DLG2: variants seen among roughly 807,000 people sequenced by gnomAD.
The protein encoded by DLG2 is disks large homolog 2.
Under a neutral mutation model 132.5 loss-of-function variants are expected in DLG2, and 45 were observed. That is an observed-to-expected ratio of 0.34 (90% confidence interval 0.27 to 0.44). The LOEUF (loss-of-function observed/expected upper bound fraction) is 0.44, where lower values mean the gene tolerates loss of function less well. Among genes scored for constraint, DLG2 ranks in the 20% least tolerant of loss-of-function variants. The pLI is 1.00. For synonymous variants in DLG2, 424 were observed against 419.6 expected (o/e 1.01, Z -0.13); for missense variants, 1,045 against 1,196.9 (o/e 0.87, Z 1.87).
chr11:84,400,574 T>C (rs2154446510), intron 7 of DLG2, among the ~76,000 whole-genome samples: 1 of 152,318 alleles, frequency 6.6e-6, no homozygotes, highest in East Asian at 1.9e-4. Context: ...CCTTACCAAA[T>C]TCTTTATTGA....
chr11:83,990,869 A>G (rs1289702642), intron 11 of DLG2, among the ~76,000 whole-genome samples: 1 of 150,232 alleles, frequency 6.7e-6, no homozygotes, highest in Non-Finnish European at 1.5e-5. Context: ...TTCTGTCTAC[A>G]TGGTTTTATT....
intron 3 of DLG2, among the ~76,000 whole-genome samples, chr11:85,470,036 C>T (rs1314905055): frequency 6.6e-6 from 1 of 152,074 alleles, no homozygotes; most frequent in East Asian, 1.9e-4. Context: ...TTACTATTAT[C>T]CCCATCACTC....
chr11:84,493,375 G>T (rs2099170253), intron 7 of DLG2, among the ~76,000 whole-genome samples: 1 of 151,972 alleles, frequency 6.6e-6, no homozygotes, highest in Admixed American at 6.6e-5. Context: ...AGTAGTGGTG[G>T]GTTTTGTAAT....
intron 25 of DLG2, 51 bp downstream of exon 25, chr11:83,469,150 G>A: frequency 7.5e-7 from 1 of 1,336,706 alleles, no homozygotes. Flanking sequence ...AATGCAGTTT[G>A]CAACCTAGAA....
intron 18 of DLG2, among the ~76,000 whole-genome samples, chr11:83,654,154 C>T (rs1235250541): frequency 1.3e-5 from 2 of 152,186 alleles, no homozygotes. Flanking sequence ...GCTATTGCCA[C>T]TTCTCACCCA....
chr11:85,403,622 GTGTT>G (rs1565442028), intron 3 of DLG2, among the ~76,000 whole-genome samples: 1 of 152,038 alleles, frequency 6.6e-6, no homozygotes, highest in Non-Finnish European at 1.5e-5. Flanking sequence ...CTAGAGTCTA[GTGTT>G]TTGTGGGCAG....
intron 6 of DLG2, among the ~76,000 whole-genome samples, chr11:84,889,362 A>C (rs951038947): frequency 1.3e-5 from 2 of 152,086 alleles, no homozygotes; most frequent in Admixed American, 6.6e-5. Flanking sequence ...TGAGGGGGAG[A>C]TTTAAACTGG....
At chr11:84,439,515 A>G (rs1327245979) in intron 7 of DLG2, among the ~76,000 whole-genome samples, 1 of 152,092 alleles carries the variant, frequency 6.6e-6, no homozygotes, top group Admixed American at 6.6e-5. Context: ...TGCTCCTACA[A>G]GCACTCCTTT....
Position 84,099,071 on chromosome 11 carries a change from T to C in DLG2, c.625-24A>G, listed in dbSNP as rs1470935256. On this transcript the variant is annotated intron_variant, in intron 9 of 27. Transcript: ENST00000376104. ...CCCTATAGAAACAAAAAGCAGATAT[T>C]AAATGATGTGTCTGTCACCTAAAAC... 1.9e-6 allele frequency: 3 copies of C among 1,606,652 alleles called. No individual in the cohort carries two copies. In the East Asian group the frequency reaches 6.7e-5, roughly 36 times the overall value.
intron 11 of DLG2, among the ~76,000 whole-genome samples, chr11:84,052,252 A>T (rs2154121695): frequency 6.6e-6 from 1 of 151,806 alleles, no homozygotes; most frequent in South Asian, 2.1e-4. Flanking sequence ...TGTACATAAC[A>T]TATATGTGCA....
intron 8 of DLG2, among the ~76,000 whole-genome samples, chr11:84,181,055 T>C (rs2096112178): frequency 6.6e-6 from 1 of 151,766 alleles, no homozygotes; most frequent in Admixed American, 6.6e-5. Context: ...CAGATAACAG[T>C]TTGTTCAAAA....
intron 18 of DLG2, among the ~76,000 whole-genome samples, chr11:83,745,507 C>T (rs969536763): frequency 2.6e-5 from 4 of 152,064 alleles, no homozygotes; most frequent in African/African-American, 9.7e-5. Context: ...ATACTCAAGT[C>T]TTTCCTTTCT....
intron 17 of DLG2, chr11:83,790,745 C>A: frequency 3.9e-6 from 3 of 767,080 alleles, no homozygotes; most frequent in Non-Finnish European, 7.2e-6. Context: ...CCACAAAGAT[C>A]TCTGGGGCAA....
intron 14 of DLG2, 94 bp from the exon 15 acceptor site, chr11:83,930,577 A>AAAC: frequency 8.0e-7 from 1 of 1,254,604 alleles, no homozygotes; most frequent in Non-Finnish European, 1.1e-6. Context: ...GCAAAAGTAA[A>AAAC]AACAATGCCA....
At chr11:83,775,965 G>A (rs1292810635) in intron 18 of DLG2, among the ~76,000 whole-genome samples, 1 of 152,084 alleles carries the variant, frequency 6.6e-6, no homozygotes, top group African/African-American at 2.4e-5. Context: ...GGTGGCAGGA[G>A]CCTGTAGTCC....
rs569895867 is a variant in DLG2 at position 83,672,753 on chromosome 11, T to G, written c.1826-39428A>C. On this transcript the variant is annotated intron_variant, in intron 18 of 27. Transcript: ENST00000376104. ...GCTAGGCATATAGGGATGAATGAAA[T>G]CAAATCCCTGTCTTCAAGAAACTCT... 2.6e-5 allele frequency among the ~76,000 whole-genome samples: 4 copies of G among 152,156 alleles called. 1 individual carries two copies. Among genetic ancestry groups the G allele is most frequent in the South Asian group, 4.2e-4 (2 of 4,810 alleles).
At chr11:84,409,032 C>A (rs1399933568) in intron 7 of DLG2, among the ~76,000 whole-genome samples, 1 of 152,178 alleles carries the variant, frequency 6.6e-6, no homozygotes, top group Non-Finnish European at 1.5e-5. Context: ...CAAAGGCCTT[C>A]AATGATCTGG....
At position 84,681,644 on chromosome 11, in the gene DLG2, C is replaced by A. The variant is rs544551686; in HGVS notation, c.358-146913G>T. 4.6e-5 allele frequency among the ~76,000 whole-genome samples: 7 copies of A among 152,138 alleles called. No homozygotes were observed. In the East Asian group the frequency reaches 1.4e-3, roughly 30 times the overall value. ...GCTTTCAATTAATGCTTGATCTCTGCAGGTGGGAATCTGCAGATGAGACAA... is the reference window on the plus strand; with the variant it reads ...GCTTTCAATTAATGCTTGATCTCTGAAGGTGGGAATCTGCAGATGAGACAA... On this transcript the variant is annotated intron_variant, in intron 6 of 27. Coordinates refer to ENST00000376104, the MANE Select transcript of DLG2 (RefSeq NM_001142699.3).
intron 7 of DLG2, among the ~76,000 whole-genome samples, chr11:84,504,436 T>C (rs541230150): frequency 6.6e-6 from 1 of 152,336 alleles, no homozygotes; most frequent in South Asian, 2.1e-4. Context: ...CCTTTTATTA[T>C]CAAACGCTGT....
Sources: allele counts gnomAD v4.1 joint callset (sites outside exome capture counted in the v4.1 genomes callset), GRCh38; gene constraint gnomAD v4.1.1; transcripts MANE v1.5; gene names NCBI Gene and HGNC (gene_info 2026-07-23, HGNC 2026-07-21).